Variants in WWOX observed in about 807,000 individuals in gnomAD.
The protein encoded by WWOX is WW domain-containing oxidoreductase.
In WWOX, 69 loss-of-function variants were observed where a neutral mutation model predicts 46.2. That is an observed-to-expected ratio of 1.49 (90% CI 1.23 to 1.82). The LOEUF is 1.82. Ranked by LOEUF, WWOX falls within the 40% of genes most tolerant of loss-of-function variation. The probability of loss-of-function intolerance (pLI) is 0.00; values close to 1 mark genes in which losing one functional copy is unlikely to be tolerated. For synonymous variants in WWOX, 359 were observed against 202.6 expected (o/e 1.77, Z -6.56); for missense variants, 919 against 542.6 (o/e 1.69, Z -6.89).
At chr16:78,412,380 G>C (rs536427173) in intron 6 of WWOX, among the ~76,000 whole-genome samples, 2 of 152,166 alleles carry the variant, frequency 1.3e-5, no homozygotes, top group African/African-American at 4.8e-5. Flanking sequence ...ACTGACAGGT[G>C]GGAATGAGAT....
At chr16:79,094,106 C>G (rs1476542987) in intron 8 of WWOX, among the ~76,000 whole-genome samples, 3 of 152,200 alleles carry the variant, frequency 2.0e-5, no homozygotes, top group African/African-American at 4.8e-5. Flanking sequence ...CCTCACTCCT[C>G]TATCCTGTGA....
chr16:78,562,447 C>G (rs1457005802), intron 8 of WWOX, among the ~76,000 whole-genome samples: 2 of 152,178 alleles, frequency 1.3e-5, no homozygotes, highest in African/African-American at 2.4e-5. Flanking sequence ...GCTGAGCATA[C>G]CAGAGTTAAG....
In WWOX at chr16:78,482,747, CTG is replaced by C. The variant is rs377748181; in HGVS notation, c.1056+49997_1056+49998del. Among the ~76,000 whole-genome samples, 101 of 152,296 alleles carry C rather than the reference CTG, an allele frequency of 6.6e-4. 1 individual carries two copies. Among genetic ancestry groups the C allele is most frequent in the African/African-American group, 2.4e-3 (98 of 41,572 alleles). ...GGCAGAGCACTTATTGGCGCTAAGA[CTG>C]TTTCTCAGGACCTTGTTGTACGAGA... On this transcript the variant is annotated intron_variant, in intron 8 of 8. Transcript: ENST00000566780.
intron 5 of WWOX, among the ~76,000 whole-genome samples, chr16:78,369,998 G>T (rs1005201088): frequency 2.0e-5 from 3 of 151,806 alleles, no homozygotes; most frequent in East Asian, 1.9e-4. Context: ...CAGGTGTCCT[G>T]GTGCATGTCT....
chr16:78,229,455 T>G (rs1185772659), intron 5 of WWOX, among the ~76,000 whole-genome samples: 1 of 71,008 alleles, frequency 1.4e-5, no homozygotes, highest in Non-Finnish European at 2.5e-5. Flanking sequence ...TTTAGATTTT[T>G]TCTGTTTTAT....
At chr16:78,560,574 G>A (rs2044411811) in intron 8 of WWOX, among the ~76,000 whole-genome samples, 2 of 152,188 alleles carry the variant, frequency 1.3e-5, no homozygotes, top group African/African-American at 2.4e-5. Context: ...AACCTGGGAG[G>A]TGGAGGTTGC....
intron 8 of WWOX, among the ~76,000 whole-genome samples, chr16:78,451,884 C>T (rs1467359172): frequency 3.3e-5 from 5 of 152,132 alleles, no homozygotes; most frequent in Non-Finnish European, 1.5e-5. Flanking sequence ...CCTTGGGGAG[C>T]CGCCATCATT....
intron 8 of WWOX, among the ~76,000 whole-genome samples, chr16:78,883,199 T>G (rs1264992805): frequency 2.6e-5 from 4 of 152,164 alleles, no homozygotes; most frequent in African/African-American, 9.7e-5. Context: ...TTGTGGTTGT[T>G]GTGGAAATTA....
intron 8 of WWOX, among the ~76,000 whole-genome samples, chr16:79,153,219 C>G (rs184940313): frequency 6.6e-6 from 1 of 152,134 alleles, no homozygotes. Context: ...AGCGTAGTGG[C>G]TTGCGAAAAG....
intron 8 of WWOX, among the ~76,000 whole-genome samples, chr16:78,606,064 C>T (rs140349329): frequency 0.01 from 1,561 of 152,280 alleles, 14 homozygotes; most frequent in Non-Finnish European, 0.015. Context: ...GGGATGCCCT[C>T]CCAAATTAAA....
chr16:78,461,069 C>A (rs1001046260), intron 8 of WWOX, among the ~76,000 whole-genome samples: 4 of 152,176 alleles, frequency 2.6e-5, no homozygotes, highest in Non-Finnish European at 4.4e-5. Context: ...ATGACTATTA[C>A]TGTGTTGCTT....
At chr16:78,842,918 A>G (rs1023715697) in intron 8 of WWOX, among the ~76,000 whole-genome samples, 1 of 149,984 alleles carries the variant, frequency 6.7e-6, no homozygotes, top group Non-Finnish European at 1.5e-5. Flanking sequence ...CTCTAGAAAA[A>G]AGAAAGAAAT....
intron 5 of WWOX, chr16:78,167,756 TG>T (rs2035020180): frequency 6.6e-6 from 1 of 152,220 alleles, no homozygotes; most frequent in African/African-American, 2.4e-5. Context: ...GCAGAGAGGA[TG>T]TGAAGTCGTA....
chr16:78,260,009 T>A (rs1567463064), intron 5 of WWOX, among the ~76,000 whole-genome samples: 1 of 151,228 alleles, frequency 6.6e-6, no homozygotes, highest in Non-Finnish European at 1.5e-5. Flanking sequence ...GAATCCTAGA[T>A]CCCGTGCCTT....
chr16:78,286,680 A>G (rs1295508641), intron 5 of WWOX, among the ~76,000 whole-genome samples: 3 of 151,704 alleles, frequency 2.0e-5, no homozygotes, highest in Admixed American at 6.6e-5. Context: ...CAGACTCTTC[A>G]TACTCAAAGC....
At chr16:78,762,281 G>C (rs1250268850) in intron 8 of WWOX, among the ~76,000 whole-genome samples, 1 of 152,138 alleles carries the variant, frequency 6.6e-6, no homozygotes, top group Non-Finnish European at 1.5e-5. Context: ...TCAAAGCTTG[G>C]TCCATGAACC....
chr16:78,900,084 C>A (rs2044791921), intron 8 of WWOX, among the ~76,000 whole-genome samples: 2 of 116,202 alleles, frequency 1.7e-5, no homozygotes, highest in Admixed American at 9.2e-5. Flanking sequence ...TTTTTTCCTG[C>A]AGAGAGCGTT....
At chr16:79,094,486 A>C (rs1343326327) in intron 8 of WWOX, among the ~76,000 whole-genome samples, 1 of 152,080 alleles carries the variant, frequency 6.6e-6, no homozygotes, top group South Asian at 2.1e-4. Context: ...TCCTGACCTC[A>C]GGCAGTCTGC....
intron 8 of WWOX, among the ~76,000 whole-genome samples, chr16:78,784,353 C>T (rs986042123): frequency 2.6e-5 from 4 of 152,098 alleles, no homozygotes; most frequent in African/African-American, 9.7e-5. Flanking sequence ...TCCTCAGTCT[C>T]CTCATTGTAT....
Sources: gnomAD v4.1 joint callset for allele counts (sites outside exome capture counted in the v4.1 genomes callset) on GRCh38, gnomAD v4.1.1 for gene constraint, MANE v1.5 for transcripts, NCBI Gene and HGNC (gene_info 2026-07-23, HGNC 2026-07-21) for gene names.